Variants in NLRP8 observed in about 807,000 individuals in gnomAD.
NLRP8 encodes the protein NLR family pyrin domain containing 8, also known as NACHT, LRR and PYD domains-containing protein 8.
In NLRP8, 86 loss-of-function variants were observed where a neutral mutation model predicts 88.7. The observed-to-expected ratio is 0.97, with a 90% CI of 0.81 to 1.16. The LOEUF (loss-of-function observed/expected upper bound fraction) is 1.16, where lower values mean the gene tolerates loss of function less well. Ranked by LOEUF, NLRP8 falls within the 50% of genes most tolerant of loss-of-function variation. The probability of loss-of-function intolerance (pLI) is 0.00; values close to 1 mark genes in which losing one functional copy is unlikely to be tolerated. For missense variants in NLRP8, 1,342 were observed against 1,286.5 expected (o/e 1.04, Z -0.66); for synonymous variants, 504 against 494.6 (o/e 1.02, Z -0.25).
chr19:55,976,409 T>G (rs745869663), intron 8 of NLRP8, 106 bp downstream of exon 8: 3 of 979,424 alleles, frequency 3.1e-6, no homozygotes, highest in Non-Finnish European at 4.2e-6. Context: ...AGTTTCTGGA[T>G]TGTTCCCTCC....
intron 4 of NLRP8, among the ~76,000 whole-genome samples, chr19:55,964,640 T>G (rs1979757880): frequency 6.6e-6 from 1 of 151,472 alleles, no homozygotes; most frequent in East Asian, 1.9e-4. Context: ...TAATCCCAGC[T>G]ACTTGGGAGG....
intron 8 of NLRP8, 139 bp downstream of exon 8, chr19:55,976,442 C>T: frequency 1.3e-6 from 1 of 763,122 alleles, no homozygotes; most frequent in Non-Finnish European, 1.9e-6. Flanking sequence ...AACTGGGAAG[C>T]TTCTGAGCCG....
chr19:55,964,176 A>C (rs1332734398), intron 4 of NLRP8, among the ~76,000 whole-genome samples: 1 of 152,212 alleles, frequency 6.6e-6, no homozygotes, highest in South Asian at 2.1e-4. Context: ...GGCCATTATC[A>C]GATATATTTT....
intron 1 of NLRP8, among the ~76,000 whole-genome samples, chr19:55,952,188 C>T (rs77190035): frequency 0.046 from 7,079 of 152,316 alleles, 196 homozygotes; most frequent in Non-Finnish European, 0.072. Flanking sequence ...TATAGATACA[C>T]CCCTACGTAG....
intron 9 of NLRP8, 97 bp downstream of exon 9, chr19:55,979,661 G>C: frequency 2.3e-6 from 3 of 1,323,002 alleles, no homozygotes; most frequent in Non-Finnish European, 3.2e-6. Flanking sequence ...GTGCATGCCT[G>C]TAATCCCAGC....
At chr19:55,967,252 A>T (rs1979884673) in intron 5 of NLRP8, among the ~76,000 whole-genome samples, 1 of 152,158 alleles carries the variant, frequency 6.6e-6, no homozygotes, top group Admixed American at 6.6e-5. Flanking sequence ...GAGCAGTGAG[A>T]TATAAATAAC....
At chr19:55,974,072 A>G (rs964041772) in intron 7 of NLRP8, among the ~76,000 whole-genome samples, 1 of 152,078 alleles carries the variant, frequency 6.6e-6, no homozygotes, top group African/African-American at 2.4e-5. Context: ...GAAGGACTGC[A>G]GGGTATTTTA....
intron 8 of NLRP8, among the ~76,000 whole-genome samples, chr19:55,977,167 A>C (rs191975936): frequency 0.021 from 3,124 of 145,802 alleles, 113 homozygotes; most frequent in African/African-American, 0.07. Flanking sequence ...ATAAAGATAC[A>C]TAAGATACAT....
At chr19:55,949,641 G>A (rs999538500) in intron 1 of NLRP8, among the ~76,000 whole-genome samples, 28 of 152,214 alleles carry the variant, frequency 1.8e-4, no homozygotes, top group African/African-American at 6.7e-4. Context: ...GAGAAGGGGG[G>A]ACTACTGTAT....
chr19:55,955,158 A>G lies in NLRP8; in HGVS notation c.1100A>G (p.Gln367Arg), dbSNP rs1167027421. ...ACGATGGAAAAAATCAAGTATTTCC[A>G]GATGTATTTTGGACACACAGAGGAG... Residue 367 changes from glutamine to arginine, a missense_variant, in exon 3 of 10, where the codon CAG (glutamine) becomes CGG (arginine). Transcript: ENST00000291971. 2 of 1,613,932 alleles carry G rather than the reference A, an allele frequency of 1.2e-6. No individual in the cohort carries two copies. The highest frequency in any genetic ancestry group is 1.7e-6 in the Non-Finnish European group (2 of 1,179,914).
chr19:55,967,006 G>T (rs1979874182), intron 5 of NLRP8, among the ~76,000 whole-genome samples: 1 of 152,168 alleles, frequency 6.6e-6, no homozygotes, highest in Non-Finnish European at 1.5e-5. Flanking sequence ...GGCATGCAAT[G>T]TAAAATAATC....
rs368948468 is a variant in NLRP8, at chr19:55,977,972, T to C, written c.2877-1422T>C. On this transcript the variant is annotated intron_variant, in intron 8 of 9. Transcript: ENST00000291971. ...TGGGTTTTAAATGTTGATTTATCTC[T>C]TAGATTGAGTGAAATATATTTTCAG... Among the ~76,000 whole-genome samples the C allele has an allele frequency of 9.8e-5, 15 of 152,306 alleles. No homozygotes were observed. The South Asian group carries it at 1.7e-3, about 17-fold the overall frequency.
At chr19:55,986,021 A>G (rs1378736911) in intron 9 of NLRP8, among the ~76,000 whole-genome samples, 2 of 152,060 alleles carry the variant, frequency 1.3e-5, no homozygotes, top group African/African-American at 2.4e-5. Flanking sequence ...AAATAAATAC[A>G]TGGGACTTTA....
rs777000805 is a variant in NLRP8, at chr19:55,988,438, G to GTATATATATATATATATATATA, written c.*526_*527insATATATATATATATATATATAT. 3.3e-5 allele frequency: 3 copies of GTATATATATATATATATATATA among 91,830 alleles called. No individual in the cohort carries two copies. Among genetic ancestry groups the GTATATATATATATATATATATA allele is most frequent in the African/African-American group, 9.0e-5 (2 of 22,256 alleles). The allele number at this position is 91,830 out of a possible 1,614,324, so 5.7% of individuals were successfully genotyped here. A position where few individuals can be genotyped will look rare whatever the true frequency, so the allele number is the denominator to read the frequency against. On this transcript the variant is annotated 3_prime_UTR_variant, in exon 10 of 10. Coordinates refer to ENST00000291971, the MANE Select transcript of NLRP8 (RefSeq NM_176811.2). ...CATATACACATAAATATATATATGTGTGTGTGTATATATATATATATATAT... is the reference window on the plus strand; with the variant it reads ...CATATACACATAAATATATATATGTGTATATATATATATATATATATATGTGTGTATATATATATATATATAT...
At chr19:55,950,424 A>AACACAC (rs113284539) in intron 1 of NLRP8, among the ~76,000 whole-genome samples, 5 of 148,998 alleles carry the variant, frequency 3.4e-5, no homozygotes, top group Admixed American at 1.3e-4. Flanking sequence ...CATCTCAAGA[A>AACACAC]ACACACACAC....
chr19:55,948,769 A>G (rs748129539), intron 1 of NLRP8, among the ~76,000 whole-genome samples: 36 of 152,142 alleles, frequency 2.4e-4, no homozygotes, highest in Non-Finnish European at 3.1e-4. Flanking sequence ...AACTTAACTG[A>G]ATACTGCTTA....
At chr19:55,957,673 T>TAATAA (rs1378405360) in intron 3 of NLRP8, among the ~76,000 whole-genome samples, 61 of 31,192 alleles carry the variant, frequency 2.0e-3, no homozygotes, top group South Asian at 5.1e-3. Flanking sequence ...AAAATAATAA[T>TAATAA]TATATATATA....
chr19:55,950,458 T>C (rs1979042312), intron 1 of NLRP8, among the ~76,000 whole-genome samples: 1 of 151,846 alleles, frequency 6.6e-6, no homozygotes, highest in South Asian at 2.1e-4. Flanking sequence ...GAGACACACG[T>C]ACGCAGTTGA....
intron 2 of NLRP8, 51 bp downstream of exon 2, chr19:55,952,663 G>T: frequency 2.8e-6 from 4 of 1,446,448 alleles, no homozygotes; most frequent in Non-Finnish European, 3.9e-6. Context: ...GCTATGGACT[G>T]GGATGAGCTG....
Sources: gnomAD v4.1 joint callset for allele counts (sites outside exome capture counted in the v4.1 genomes callset) on GRCh38, gnomAD v4.1.1 for gene constraint, MANE v1.5 for transcripts, NCBI Gene and HGNC (gene_info 2026-07-23, HGNC 2026-07-21) for gene names.